Variants in DYNC2H1 observed in about 807,000 individuals in gnomAD.
DYNC2H1 encodes the protein dynein cytoplasmic 2 heavy chain 1.
Under a neutral mutation model 570.0 loss-of-function variants are expected in DYNC2H1, and 410 were observed. That is an observed-to-expected ratio of 0.72 (90% CI 0.66 to 0.78). DYNC2H1 has a LOEUF of 0.78. DYNC2H1 is among the 30% of genes least tolerant of loss of function. The pLI is 0.00. For synonymous variants in DYNC2H1, 1,688 were observed against 1,677.6 expected (o/e 1.01, Z -0.15); for missense variants, 4,865 against 5,046.4 (o/e 0.96, Z 1.09).
intron 85 of DYNC2H1, among the ~76,000 whole-genome samples, chr11:103,441,532 C>T (rs1944268687): frequency 6.6e-6 from 1 of 152,054 alleles, no homozygotes; most frequent in African/African-American, 2.4e-5. Flanking sequence ...ACTGCCCCAT[C>T]CAAGCATGTA....
intron 85 of DYNC2H1, among the ~76,000 whole-genome samples, chr11:103,436,614 G>A (rs915333106): frequency 6.6e-6 from 1 of 152,008 alleles, no homozygotes; most frequent in African/African-American, 2.4e-5. Flanking sequence ...ACTATCACAT[G>A]AATAACTTGA....
chr11:103,443,471 GTGTT>G (rs1565603890), intron 85 of DYNC2H1, among the ~76,000 whole-genome samples: 3 of 151,912 alleles, frequency 2.0e-5, no homozygotes, highest in Admixed American at 6.6e-5. Flanking sequence ...AGACTATTGA[GTGTT>G]TGGCTTAATA....
Position 103,200,247 on chromosome 11 carries a change from A to G in DYNC2H1, c.8197+93A>G, listed in dbSNP as rs188782564. The G allele has an allele frequency of 1.5e-5, 15 of 1,011,024 alleles. No individual in the cohort carries two copies. The Admixed American group carries it at 4.3e-4, about 29-fold the overall frequency. The allele number at this position is 1,011,024 out of a possible 1,614,324, so 62.6% of individuals were successfully genotyped here. ...CTTGTGCAAAATTTATTTGTTTTGG[A>G]GAACTTTTGGCATAGTTCTTACTTA... On this transcript the variant is annotated intron_variant, in intron 50 of 88. Transcript: ENST00000375735.
chr11:103,331,787 C>T (rs1486345858), intron 82 of DYNC2H1, among the ~76,000 whole-genome samples: 4 of 152,112 alleles, frequency 2.6e-5, no homozygotes, highest in South Asian at 2.1e-4. Context: ...TGAGGCCAGG[C>T]GCAGTGGCTC....
Position 103,177,900 on chromosome 11 carries a change from T to A in DYNC2H1, c.6139+80T>A. 7.0e-7 allele frequency: 1 copy of A among 1,437,728 alleles called. No individual in the cohort carries two copies. The highest frequency in any genetic ancestry group is 9.3e-7 in the Non-Finnish European group (1 of 1,080,042). The allele number at this position is 1,437,728 out of a possible 1,614,324, so 89.1% of individuals were successfully genotyped here. A position where few individuals can be genotyped will look rare whatever the true frequency, so the allele number is the denominator to read the frequency against. On this transcript the variant is annotated intron_variant, in intron 38 of 88. Coordinates refer to ENST00000375735, the MANE Select transcript of DYNC2H1 (RefSeq NM_001377.3). This position sits in a 1 kb window ranked among gnomAD's most constrained non-coding sequence, Gnocchi z 4.4. Reference sequence around the variant, plus strand: ...TAATTTGTCTATAATGCTGTCTTTGTCAAGACTTCTACATGACCATAAAGT... The same window carrying A: ...TAATTTGTCTATAATGCTGTCTTTGACAAGACTTCTACATGACCATAAAGT...
At chr11:103,431,816 G>A (rs1182070587) in intron 84 of DYNC2H1, among the ~76,000 whole-genome samples, 1 of 152,136 alleles carries the variant, frequency 6.6e-6, no homozygotes, top group Non-Finnish European at 1.5e-5. Context: ...AGGTGAATAT[G>A]GTGAATGAGG....
chr11:103,379,575 T>TA (rs1941551781), intron 83 of DYNC2H1, among the ~76,000 whole-genome samples: 1 of 152,214 alleles, frequency 6.6e-6, no homozygotes, highest in African/African-American at 2.4e-5. Context: ...TTTTGACTCT[T>TA]ACTTCCTTTC....
intron 78 of DYNC2H1, among the ~76,000 whole-genome samples, chr11:103,309,877 CT>C (rs1349968954): frequency 1.3e-5 from 2 of 151,952 alleles, no homozygotes; most frequent in Non-Finnish European, 2.9e-5. Context: ...AATGTGTAAC[CT>C]TTTCTGGGAT....
rs969682915 is a variant in DYNC2H1 at position 103,187,567 on chromosome 11, T to C, written c.7121T>C (p.Leu2374Ser). The C allele has an allele frequency of 1.2e-6, 2 of 1,613,024 alleles. No homozygotes were observed. The highest frequency in any genetic ancestry group is 1.1e-5 in the South Asian group (1 of 91,052). The change falls in exon 43 of 89, where the codon TTG becomes TCG. Residue 2374 changes from leucine to serine, a missense_variant. Physicochemically the swap from Leu to Ser is moderately radical, Grantham distance 145 (BLOSUM62 -2). Coordinates refer to ENST00000375735, the MANE Select transcript of DYNC2H1 (RefSeq NM_001377.3). ...CTTGATAAATGGGGGACCAGTACTT[T>C]GGTAGCATTCCTACAACAGGTAAGT... is the stretch of plus-strand genomic sequence containing the variant. ...PKLDKWGTSTLVAFLQQVLTY... is the reference protein window; with the variant it reads ...PKLDKWGTSTSVAFLQQVLTY...
intron 77 of DYNC2H1, among the ~76,000 whole-genome samples, chr11:103,306,314 A>G (rs947118484): frequency 3.3e-5 from 5 of 152,242 alleles, no homozygotes; most frequent in Non-Finnish European, 7.3e-5. Context: ...TCTATGTAAA[A>G]TGTAATTAGA....
chr11:103,253,515 G>A, intron 66 of DYNC2H1, 67 bp downstream of exon 66: 3 of 1,410,700 alleles, frequency 2.1e-6, no homozygotes, highest in Non-Finnish European at 2.9e-6. Flanking sequence ...TAGACATTGT[G>A]AGTGAGAAGC....
rs1377161875 is a variant in DYNC2H1, at chr11:103,395,484, T to G, written c.12157-4179T>G. Among the ~76,000 whole-genome samples the G allele has an allele frequency of 9.4e-6, 1 of 106,764 alleles. No homozygotes were observed. Among genetic ancestry groups the G allele is most frequent in the Non-Finnish European group, 2.1e-5 (1 of 47,664 alleles). The allele number at this position is 106,764 out of a possible 152,430, so 70.0% of individuals were successfully genotyped here. ...TACATATATATCATATATATATTTA[T>G]GTATATGTACACACACACACACACA... is the stretch of plus-strand genomic sequence containing the variant. On this transcript the variant is annotated intron_variant, in intron 83 of 88. Coordinates refer to ENST00000375735, the MANE Select transcript of DYNC2H1 (RefSeq NM_001377.3). The surrounding 1 kb of genome is among the most constrained non-coding windows in gnomAD (Gnocchi z 4.3).
intron 84 of DYNC2H1, among the ~76,000 whole-genome samples, chr11:103,418,083 A>G (rs1282643548): frequency 1.3e-5 from 2 of 152,110 alleles, no homozygotes; most frequent in Non-Finnish European, 2.9e-5. Context: ...AACTAATATG[A>G]CAGTAAAAGA....
In DYNC2H1 at chr11:103,135,536, G is replaced by C. The variant is rs572266444; in HGVS notation, c.2247G>C (p.Trp749Cys). 6.2e-7 allele frequency: 1 copy of C among 1,602,398 alleles called. No individual in the cohort carries two copies. The highest frequency in any genetic ancestry group is 8.5e-7 in the Non-Finnish European group (1 of 1,175,668). The stretch of plus-strand genomic sequence containing the variant: ...ACATGCATGCATGGAAACAACACTG[G>C]AATCATCAACTGTACAAAGCTCTGG... ...ASDMHAWKQH[W>C]NHQLYKALEH... Residue 749 changes from tryptophan to cysteine, a missense_variant, in exon 16 of 89, where the codon TGG becomes TGC. By Grantham distance (215) the Trp-to-Cys change is radical. Around this residue, in one of 5 missense-constraint regions of DYNC2H1, gnomAD observed 1,936 missense variants for 1,962.1 expected, o/e 0.99. Transcript: ENST00000375735.
chr11:103,381,269 A>G (rs563621745), intron 83 of DYNC2H1, among the ~76,000 whole-genome samples: 2 of 152,314 alleles, frequency 1.3e-5, no homozygotes, highest in Non-Finnish European at 2.9e-5. Flanking sequence ...GAGATCCTAT[A>G]TGAATCTAAT....
chr11:103,315,283 C>T (rs7118629), intron 79 of DYNC2H1, among the ~76,000 whole-genome samples: 25,203 of 151,860 alleles, frequency 0.17, 2,281 homozygotes, highest in Admixed American at 0.25. Context: ...CAGATATTTG[C>T]CTCTTGTTTA....
At position 103,153,518 on chromosome 11, in the gene DYNC2H1, T is replaced by C. The variant is rs1208409639; in HGVS notation, c.3302+10T>C. 1 of 1,543,574 alleles carries C rather than the reference T, an allele frequency of 6.5e-7. No individual in the cohort carries two copies. The highest frequency in any genetic ancestry group is 2.4e-5 in the East Asian group (1 of 42,510). On this transcript the variant is annotated intron_variant, in intron 22 of 88. Coordinates refer to ENST00000375735, the MANE Select transcript of DYNC2H1 (RefSeq NM_001377.3). ...CAAGAAAAAAGCTGGTGTATGTTTT[T>C]TCTTTAAAATTGATAGTGCTTATTT...
intron 88 of DYNC2H1, among the ~76,000 whole-genome samples, chr11:103,470,039 A>G (rs541804458): frequency 1.4e-3 from 209 of 152,306 alleles, no homozygotes; most frequent in African/African-American, 4.7e-3. Context: ...GCAAGTATAA[A>G]CAGGTTCACT....
rs946674278 is a variant in DYNC2H1 at position 103,390,697 on chromosome 11, T to C, written c.12157-8966T>C. On this transcript the variant is annotated intron_variant, in intron 83 of 88. Transcript: ENST00000375735. Reference sequence around the variant, plus strand: ...AGCTCTTGTAGGGCAGGCCCGGTGGTGACAAAATCTCTCAGCACTTGCTTG... The same window carrying C: ...AGCTCTTGTAGGGCAGGCCCGGTGGCGACAAAATCTCTCAGCACTTGCTTG... Among the ~76,000 whole-genome samples the C allele has an allele frequency of 2.6e-5, 4 of 152,316 alleles. 1 individual carries two copies. The South Asian group carries it at 8.3e-4, about 32-fold the overall frequency.
Sources: allele counts gnomAD v4.1 joint callset (sites outside exome capture counted in the v4.1 genomes callset), GRCh38; gene constraint gnomAD v4.1.1; regional missense constraint gnomAD v4.1.1; non-coding constraint Gnocchi (gnomAD v3.1); transcripts MANE v1.5; gene names NCBI Gene and HGNC (gene_info 2026-07-23, HGNC 2026-07-21).